CLTC: variants seen among roughly 807,000 people sequenced by gnomAD.
CLTC encodes clathrin heavy chain 1.
CLTC carries 16 observed loss-of-function variants against 195.8 expected under a neutral mutation model. The observed-to-expected ratio is 0.08, with a 90% CI of 0.06 to 0.12. The LOEUF (loss-of-function observed/expected upper bound fraction) is 0.12, where lower values mean the gene tolerates loss of function less well. Ranked by LOEUF, CLTC falls within the 10% of genes least tolerant of loss-of-function variation. The pLI is 1.00. For synonymous variants in CLTC, 667 were observed against 689.4 expected, an observed-to-expected ratio of 0.97 and a Z score of 0.51; for missense variants, 796 against 2,027.0, an observed-to-expected ratio of 0.39 and a Z score of 11.66.
intron 31 of CLTC, 21 bp downstream of exon 31, chr17:59,690,732 C>CAA (rs879736297): frequency 6.4e-7 from 1 of 1,551,032 alleles, no homozygotes; most frequent in African/African-American, 1.4e-5. Flanking sequence ...TCTGTAACCT[C>CAA]AAAAAATTCA....
At chr17:59,659,774 C>G (rs929067542) in intron 6 of CLTC, among the ~76,000 whole-genome samples, 2 of 151,936 alleles carry the variant, frequency 1.3e-5, no homozygotes, top group African/African-American at 4.8e-5. Context: ...TACCATGTTC[C>G]TTGTATTATG....
chr17:59,682,413 T>G lies in CLTC; in HGVS notation c.3585T>G (p.Asn1195Lys). 6.2e-7 allele frequency: 1 copy of G among 1,614,076 alleles called. No individual in the cohort carries two copies. The highest frequency in any genetic ancestry group is 8.5e-7 in the Non-Finnish European group (1 of 1,179,976). Reference protein sequence around the residue: ...ELEEFINGPNNAHIQQVGDRC... With the variant: ...ELEEFINGPNKAHIQQVGDRC... Reference sequence around the variant, plus strand: ...AAGAATTTATCAATGGACCAAATAATGCTCATATCCAACAAGTGGGTTTCC... The same window carrying G: ...AAGAATTTATCAATGGACCAAATAAGGCTCATATCCAACAAGTGGGTTTCC... Residue 1195 changes from asparagine to lysine, a missense_variant, in exon 22 of 32, where the codon AAT (asparagine) becomes AAG (lysine). This residue lies in a region of CLTC where 102 missense variants were observed against 317.6 expected (regional missense o/e 0.32). Transcript: ENST00000269122. This position sits in a 1 kb window ranked among gnomAD's most constrained non-coding sequence, Gnocchi z 6.8.
chr17:59,643,072 T>C (rs1371048590), intron 1 of CLTC, among the ~76,000 whole-genome samples: 1 of 151,682 alleles, frequency 6.6e-6, no homozygotes, highest in East Asian at 1.9e-4. Context: ...ACTGTATTGC[T>C]AGAGGACAAG....
intron 13 of CLTC, among the ~76,000 whole-genome samples, chr17:59,668,394 T>C (rs1483516391): frequency 6.6e-6 from 1 of 152,144 alleles, no homozygotes; most frequent in East Asian, 1.9e-4. Context: ...AAAAATTTTC[T>C]TAAAAATTAG....
At chr17:59,624,898 G>A (rs972408548) in intron 1 of CLTC, among the ~76,000 whole-genome samples, 2 of 152,088 alleles carry the variant, frequency 1.3e-5, no homozygotes, top group Non-Finnish European at 2.9e-5. Flanking sequence ...TCAAATTATT[G>A]GGCTCAAGTG....
At position 59,677,017 on chromosome 17, in the gene CLTC, T is replaced by G; in HGVS notation, c.2625T>G (p.Thr875=). The G allele has an allele frequency of 1.2e-6, 2 of 1,614,124 alleles. No individual in the cohort carries two copies. Among genetic ancestry groups the G allele is most frequent in the African/African-American group, 2.7e-5 (2 of 75,040 alleles). ...RIHEGCEEPA[T]HNALAKIYID... is the part of the protein sequence containing the mutation. The stretch of plus-strand genomic sequence containing the variant: ...ATGAGGGCTGTGAGGAGCCTGCTAC[T>G]CACAATGCCTTAGCCAAAATCTACA... The change falls in exon 17 of 32, where the codon ACT becomes ACG. Residue 875 remains threonine, a synonymous_variant. Coordinates refer to ENST00000269122, the MANE Select transcript of CLTC (RefSeq NM_004859.4).
rs574102131 is a variant in CLTC at position 59,644,506 on chromosome 17, C to T, written c.250+23C>T. On this transcript the variant is annotated intron_variant, in intron 2 of 31. Transcript: ENST00000269122. ...AAGGTATAAAAGAATGTGGGTTTTC[C>T]TTAAAACTCTTCCTATGTTTTTGTT... The T allele has an allele frequency of 1.9e-5, 29 of 1,552,954 alleles. No individual in the cohort carries two copies. The highest frequency in any genetic ancestry group is 2.7e-5 in the African/African-American group (2 of 73,118).
intron 31 of CLTC, among the ~76,000 whole-genome samples, chr17:59,693,327 A>G (rs1003973954): frequency 1.7e-4 from 26 of 150,304 alleles, no homozygotes; most frequent in Admixed American, 6.6e-5. Flanking sequence ...AGATTACACA[A>G]CTGCACTCCA....
In CLTC at chr17:59,691,632, A is replaced by AAAAT. The variant is rs1337583368; in HGVS notation, c.4903+922_4903+923insAATA. Among the ~76,000 whole-genome samples, 11 of 145,502 alleles carry AAAAT rather than the reference A, an allele frequency of 7.6e-5. No homozygotes were observed. In the East Asian group the frequency reaches 7.9e-4, roughly 10 times the overall value. The stretch of plus-strand genomic sequence containing the variant: ...GAGCAAGACTCCGCCTTAAAAAAAA[A>AAAAT]ATATATATATATATATACATATATA... On this transcript the variant is annotated intron_variant, in intron 31 of 31. Coordinates refer to ENST00000269122, the MANE Select transcript of CLTC (RefSeq NM_004859.4).
At chr17:59,647,294 G>C in intron 2 of CLTC, 104 bp from the exon 3 acceptor site, 1 of 857,020 alleles carries the variant, frequency 1.2e-6, no homozygotes, top group South Asian at 1.8e-5. Context: ...AACTCGTCTC[G>C]TAATAGAACT....
Position 59,644,483 on chromosome 17 carries a change from G to T in CLTC, c.250G>T (p.Ala84Ser). The change falls in exon 2 of 32, where the codon GCT (alanine) becomes TCT (serine). Residue 84 changes from alanine (A) to serine (S), a missense_variant and splice_region_variant. Transcript: ENST00000269122. ...AGCTAGCAAAGTAATTGCACTGAAA[G>T]GTATAAAAGAATGTGGGTTTTCCTT... ...NPASKVIALK[A>S]GKTLQIFNIE... is the part of the protein sequence containing the mutation. 6.2e-7 allele frequency: 1 copy of T among 1,611,218 alleles called. No homozygotes were observed. The highest frequency in any genetic ancestry group is 8.5e-7 in the Non-Finnish European group (1 of 1,178,118).
chr17:59,647,554 C>A lies in CLTC; in HGVS notation c.407C>A (p.Ser136Tyr), dbSNP rs1297225527. The change falls in exon 3 of 32, where the codon TCT becomes TAT. Residue 136 changes from serine to tyrosine, a missense_variant. Coordinates refer to ENST00000269122, the MANE Select transcript of CLTC (RefSeq NM_004859.4). ...AVYHWSMEGESQPVKMFDRHS... is the reference protein window; with the variant it reads ...AVYHWSMEGEYQPVKMFDRHS... ...TATCACTGGAGTATGGAAGGAGAGT[C>A]TCAGCCAGTGAAAATGTTTGATCGC... 2 of 1,614,128 alleles carry A rather than the reference C, an allele frequency of 1.2e-6. No individual in the cohort carries two copies. The highest frequency in any genetic ancestry group is 1.7e-6 in the Non-Finnish European group (2 of 1,180,008).
At chr17:59,643,225 G>A (rs1455648025) in intron 1 of CLTC, among the ~76,000 whole-genome samples, 1 of 150,880 alleles carries the variant, frequency 6.6e-6, no homozygotes, top group Admixed American at 6.6e-5. Context: ...GATAAAACTA[G>A]TCTGGCCAAG....
intron 30 of CLTC, chr17:59,687,064 G>A: frequency 1.0e-6 from 1 of 962,100 alleles, no homozygotes; most frequent in South Asian, 4.8e-5. Flanking sequence ...GGAGGACTAA[G>A]TCTAAGGAAT....
intron 1 of CLTC, among the ~76,000 whole-genome samples, chr17:59,642,793 A>G (rs1234398963): frequency 1.3e-5 from 2 of 152,202 alleles, no homozygotes; most frequent in Non-Finnish European, 2.9e-5. Context: ...TCTTGCCCCT[A>G]TATTCAGTGA....
At chr17:59,690,760 T>A in intron 31 of CLTC, 49 bp downstream of exon 31, 1 of 1,382,674 alleles carries the variant, frequency 7.2e-7, no homozygotes, top group Non-Finnish European at 1.0e-6. Flanking sequence ...AATATTTAAT[T>A]ACTTAGAGAC....
Position 59,620,120 on chromosome 17 carries a change from C to A in CLTC, c.-12C>A, listed in dbSNP as rs202121264. ...CCAGTGACAGGAGGAGACCATAACC[C>A]CCGACAGCGCCATGGCCCAGATTCT... On this transcript the variant is annotated 5_prime_UTR_variant, in exon 1 of 32. Transcript: ENST00000269122. 161 of 1,613,982 alleles carry A rather than the reference C, an allele frequency of 1.0e-4. No individual in the cohort carries two copies. Among genetic ancestry groups the A allele is most frequent in the Non-Finnish European group, 1.3e-4 (152 of 1,180,018 alleles).
intron 1 of CLTC, among the ~76,000 whole-genome samples, chr17:59,621,951 C>A (rs1272042041): frequency 6.6e-6 from 1 of 152,208 alleles, no homozygotes; most frequent in Admixed American, 6.5e-5. Context: ...TCAAGTACAG[C>A]TGCTCTTTAT....
chr17:59,660,347 C>A, intron 6 of CLTC, 44 bp from the exon 7 acceptor site: 2 of 1,501,124 alleles, frequency 1.3e-6, no homozygotes, highest in Non-Finnish European at 9.3e-7. Flanking sequence ...TCATTTGTAT[C>A]CAAATGAACA....
Sources: gnomAD v4.1 joint callset for allele counts (sites outside exome capture counted in the v4.1 genomes callset) on GRCh38, gnomAD v4.1.1 for gene constraint, gnomAD v4.1.1 regional missense constraint, Gnocchi (gnomAD v3.1) non-coding constraint, MANE v1.5 for transcripts, NCBI Gene and HGNC (gene_info 2026-07-23, HGNC 2026-07-21) for gene names.